The following RALGPS1 variants were observed in gnomAD, a reference collection of about 807,000 sequenced individuals.
RALGPS1 encodes the protein ras-specific guanine nucleotide-releasing factor RalGPS1.
In RALGPS1, 19 loss-of-function variants were observed where a neutral mutation model predicts 78.8. That is an observed-to-expected ratio of 0.24 (90% CI 0.17 to 0.35). RALGPS1 has a LOEUF of 0.35. Ranked by LOEUF, RALGPS1 falls within the 10% of genes least tolerant of loss-of-function variation. The pLI is 1.00. For synonymous variants in RALGPS1, 228 were observed against 256.3 expected, an observed-to-expected ratio of 0.89 and a Z score of 1.06; for missense variants, 454 against 688.3, an observed-to-expected ratio of 0.66 and a Z score of 3.81.
At chr9:127,148,521 G>T (rs150937723) in intron 8 of RALGPS1, among the ~76,000 whole-genome samples, 148 of 152,366 alleles carry the variant, frequency 9.7e-4, no homozygotes, top group African/African-American at 2.9e-3. Flanking sequence ...AACCTGCTGT[G>T]TGCCAGGCAC....
At chr9:126,916,388 C>A (rs559992153) in intron 1 of RALGPS1, among the ~76,000 whole-genome samples, 1 of 152,304 alleles carries the variant, frequency 6.6e-6, no homozygotes, top group South Asian at 2.1e-4. Context: ...GACCTTTAGA[C>A]CCCAACCCCG....
At chr9:126,918,286 G>A (rs553693605) in intron 1 of RALGPS1, among the ~76,000 whole-genome samples, 6 of 152,268 alleles carry the variant, frequency 3.9e-5, no homozygotes, top group Admixed American at 1.3e-4. Context: ...GCAATCGTAC[G>A]TATGTAAGCA....
intron 4 of RALGPS1, among the ~76,000 whole-genome samples, chr9:127,028,910 T>C (rs888222442): frequency 4.6e-5 from 7 of 152,060 alleles, no homozygotes; most frequent in African/African-American, 1.7e-4. Context: ...TGCTGTGGCC[T>C]CTTTTTTGTG....
chr9:126,968,881 T>A (rs1024836996), intron 3 of RALGPS1, among the ~76,000 whole-genome samples: 2 of 152,174 alleles, frequency 1.3e-5, no homozygotes, highest in African/African-American at 4.8e-5. Context: ...AAACCAGGTC[T>A]CTACTAAAAA....
At chr9:127,034,857 T>G (rs1270818270) in intron 5 of RALGPS1, among the ~76,000 whole-genome samples, 3 of 152,138 alleles carry the variant, frequency 2.0e-5, no homozygotes, top group South Asian at 4.2e-4. Flanking sequence ...CTCCTGGCCT[T>G]CCTTCTCTTA....
At chr9:126,988,590 G>T (rs1287983660) in intron 4 of RALGPS1, among the ~76,000 whole-genome samples, 1 of 152,162 alleles carries the variant, frequency 6.6e-6, no homozygotes, top group African/African-American at 2.4e-5. Context: ...GATTTTAAAA[G>T]GGGAGCACCG....
intron 10 of RALGPS1, among the ~76,000 whole-genome samples, chr9:127,174,132 T>C (rs2059709981): frequency 1.3e-5 from 2 of 151,564 alleles, no homozygotes; most frequent in South Asian, 4.2e-4. Flanking sequence ...TGGGGACGCA[T>C]GCCTGTATTC....
At chr9:127,186,688 G>A (rs935553303) in intron 11 of RALGPS1, among the ~76,000 whole-genome samples, 7 of 152,258 alleles carry the variant, frequency 4.6e-5, no homozygotes, top group African/African-American at 1.4e-4. Context: ...ATGCAGAAGA[G>A]GGGAGGAGCT....
At chr9:127,112,275 A>G (rs1056548029) in intron 8 of RALGPS1, among the ~76,000 whole-genome samples, 2 of 152,224 alleles carry the variant, frequency 1.3e-5, no homozygotes, top group Non-Finnish European at 1.5e-5. Flanking sequence ...CCTCGTTTCC[A>G]ACGGTGCTTT....
At chr9:127,155,878 A>T (rs2058681444) in intron 8 of RALGPS1, among the ~76,000 whole-genome samples, 1 of 140,566 alleles carries the variant, frequency 7.1e-6, no homozygotes, top group South Asian at 2.4e-4. Context: ...TAATAGAAAG[A>T]GAAAGAAAGA....
chr9:127,143,011 A>T (rs1429854840), intron 8 of RALGPS1, among the ~76,000 whole-genome samples: 1 of 152,198 alleles, frequency 6.6e-6, no homozygotes, highest in Non-Finnish European at 1.5e-5. Context: ...AAGCACTTAA[A>T]ATTCCACTAT....
At chr9:126,916,509 G>A (rs2034176766) in intron 1 of RALGPS1, among the ~76,000 whole-genome samples, 1 of 152,154 alleles carries the variant, frequency 6.6e-6, no homozygotes. Flanking sequence ...GGTCGGGCGC[G>A]GTGGCTCACG....
chr9:127,031,804 A>G (rs1376772289), intron 4 of RALGPS1, among the ~76,000 whole-genome samples: 1 of 152,234 alleles, frequency 6.6e-6, no homozygotes, highest in Non-Finnish European at 1.5e-5. Flanking sequence ...CTAGTGCGAA[A>G]GATTCCTTAG....
intron 8 of RALGPS1, among the ~76,000 whole-genome samples, chr9:127,115,128 G>A (rs552772848): frequency 6.6e-6 from 1 of 152,302 alleles, no homozygotes; most frequent in Admixed American, 6.5e-5. Context: ...AGCTCTATGA[G>A]TAGGGGACCA....
chr9:127,120,243 T>C (rs1193737508), intron 8 of RALGPS1, among the ~76,000 whole-genome samples: 2 of 152,174 alleles, frequency 1.3e-5, no homozygotes, highest in African/African-American at 4.8e-5. Context: ...GCTGGGGAGA[T>C]CAATAGGCAG....
At chr9:126,977,896 C>T (rs1265202182) in intron 4 of RALGPS1, 151 bp downstream of exon 4, 9 of 538,298 alleles carry the variant, frequency 1.7e-5, no homozygotes, top group East Asian at 3.3e-5. Flanking sequence ...TGATGGTGCT[C>T]ATGTTTTTGA....
intron 3 of RALGPS1, among the ~76,000 whole-genome samples, chr9:126,974,304 C>T (rs1186201675): frequency 6.6e-6 from 1 of 152,190 alleles, no homozygotes; most frequent in Non-Finnish European, 1.5e-5. Flanking sequence ...CGGACACGGG[C>T]TTTCTGTGGT....
chr9:126,968,159 T>A (rs540304422), intron 3 of RALGPS1, among the ~76,000 whole-genome samples: 1 of 152,142 alleles, frequency 6.6e-6, no homozygotes, highest in African/African-American at 2.4e-5. Flanking sequence ...CATACCACCA[T>A]GCCCAGCTAA....
chr9:127,147,664 C>A (rs1215010693), intron 8 of RALGPS1, among the ~76,000 whole-genome samples: 2 of 152,108 alleles, frequency 1.3e-5, no homozygotes, highest in African/African-American at 4.8e-5. Flanking sequence ...TTTTTGTCAG[C>A]CGTGTTGAAG....
Sources: allele counts gnomAD v4.1 joint callset (sites outside exome capture counted in the v4.1 genomes callset), GRCh38; gene constraint gnomAD v4.1.1; transcripts MANE v1.5; gene names NCBI Gene and HGNC (gene_info 2026-07-23, HGNC 2026-07-21).